Variants in ADGB observed in about 807,000 individuals in gnomAD.
ADGB encodes calpain-7-like protein.
A neutral mutation model predicts 210.5 loss-of-function variants in ADGB; 172 were observed. The observed-to-expected ratio is 0.82, with a 90% CI of 0.72 to 0.93. The LOEUF (loss-of-function observed/expected upper bound fraction) is 0.93, where lower values mean the gene tolerates loss of function less well. Among genes scored for constraint, ADGB ranks in the 40% least tolerant of loss-of-function variants. ADGB has a pLI of 0.00. For synonymous variants in ADGB, 658 were observed against 662.7 expected (o/e 0.99, Z 0.11); for missense variants, 2,025 against 1,964.8 (o/e 1.03, Z -0.58).
chr6:146,673,044 A>G (rs945617693), intron 8 of ADGB, among the ~76,000 whole-genome samples: 1 of 152,080 alleles, frequency 6.6e-6, no homozygotes, highest in Admixed American at 6.6e-5. Flanking sequence ...TTTTTCTTAT[A>G]TAGGAGTCTT....
chr6:146,754,916 C>T (rs1777384721), intron 27 of ADGB, among the ~76,000 whole-genome samples: 1 of 151,958 alleles, frequency 6.6e-6, no homozygotes, highest in South Asian at 2.1e-4. Context: ...TTTAAAATGT[C>T]AAGGTTGTCA....
chr6:146,662,949 T>C (rs1775883435), intron 5 of ADGB, among the ~76,000 whole-genome samples: 1 of 146,036 alleles, frequency 6.8e-6, no homozygotes, highest in Non-Finnish European at 1.5e-5. Context: ...TAATGTTATA[T>C]ATTACACATA....
chr6:146,727,183 A>T (rs1395496008), intron 19 of ADGB, among the ~76,000 whole-genome samples: 2 of 151,928 alleles, frequency 1.3e-5, no homozygotes, highest in Non-Finnish European at 2.9e-5. Flanking sequence ...CTACCAAAAA[A>T]AAAAAAAAAT....
intron 2 of ADGB, among the ~76,000 whole-genome samples, chr6:146,644,538 A>G (rs1487100206): frequency 6.6e-6 from 1 of 151,856 alleles, no homozygotes; most frequent in African/African-American, 2.4e-5. Context: ...AATGCTACTC[A>G]ACAATCAATG....
At chr6:146,676,871 T>C (rs1776092384) in intron 9 of ADGB, among the ~76,000 whole-genome samples, 1 of 152,204 alleles carries the variant, frequency 6.6e-6, no homozygotes, top group Non-Finnish European at 1.5e-5. Flanking sequence ...AGAAAGTAAC[T>C]GTGAGGCCGG....
intron 1 of ADGB, among the ~76,000 whole-genome samples, chr6:146,601,526 A>T (rs1049949032): frequency 6.6e-6 from 1 of 152,242 alleles, no homozygotes; most frequent in Non-Finnish European, 1.5e-5. Flanking sequence ...GTTACTCAGT[A>T]TGAGGCGTAG....
rs1411219615 is a variant in ADGB, at chr6:146,672,302, A to G, written c.922A>G (p.Ser308Gly). 1 of 1,551,452 alleles carries G rather than the reference A, an allele frequency of 6.4e-7. No homozygotes were observed. Residue 308 changes from serine to glycine, a missense_variant, in exon 8 of 36, where the codon AGC becomes GGC. Coordinates refer to ENST00000397944, the MANE Select transcript of ADGB (RefSeq NM_024694.4). ...GCTGTCAGATGAGGCCAGCTCTGAA[A>G]GCAAAATAGCAGTGTTAGATTCTAA... ...FKLSDEASSE[S>G]KIAVLDSKLK...
At chr6:146,802,986 C>T in intron 35 of ADGB, 1 of 1,609,152 alleles carries the variant, frequency 6.2e-7, no homozygotes, top group Non-Finnish European at 8.5e-7. Context: ...TGCTTGAAGC[C>T]AGTTTAAACC....
At chr6:146,629,409 G>C (rs936390124) in intron 1 of ADGB, among the ~76,000 whole-genome samples, 4 of 152,076 alleles carry the variant, frequency 2.6e-5, no homozygotes, top group Non-Finnish European at 5.9e-5. Flanking sequence ...CCTCTAATGA[G>C]AGTCTTTTTA....
chr6:146,692,011 G>A (rs1422579916), intron 11 of ADGB, among the ~76,000 whole-genome samples: 7 of 151,752 alleles, frequency 4.6e-5, no homozygotes, highest in Non-Finnish European at 1.0e-4. Flanking sequence ...CACTTGAAAG[G>A]AAAACAAAAT....
At chr6:146,704,902 A>G (rs901265464) in intron 13 of ADGB, among the ~76,000 whole-genome samples, 1 of 152,170 alleles carries the variant, frequency 6.6e-6, no homozygotes, top group African/African-American at 2.4e-5. Flanking sequence ...ATTACATTGA[A>G]TCTGTACATT....
chr6:146,674,688 G>A (rs1006632333), intron 8 of ADGB, among the ~76,000 whole-genome samples: 8 of 152,168 alleles, frequency 5.3e-5, no homozygotes, highest in Admixed American at 6.5e-5. Context: ...ATGTGGCAAG[G>A]TTTGCAGAAC....
intron 9 of ADGB, among the ~76,000 whole-genome samples, chr6:146,684,747 A>G (rs1776199587): frequency 6.6e-6 from 1 of 152,080 alleles, no homozygotes; most frequent in South Asian, 2.1e-4. Flanking sequence ...CTTTGGATTA[A>G]AAGTTAGTTG....
At chr6:146,673,446 G>A (rs1401921979) in intron 8 of ADGB, among the ~76,000 whole-genome samples, 4 of 152,076 alleles carry the variant, frequency 2.6e-5, no homozygotes, top group South Asian at 2.1e-4. Flanking sequence ...CTTTGTTGTC[G>A]TTATCCTTTC....
chr6:146,627,608 T>C (rs1274435929), intron 1 of ADGB, among the ~76,000 whole-genome samples: 2 of 152,178 alleles, frequency 1.3e-5, no homozygotes, highest in Non-Finnish European at 2.9e-5. Flanking sequence ...ATACTAGTTC[T>C]GGTTCAGCGT....
intron 1 of ADGB, among the ~76,000 whole-genome samples, chr6:146,628,728 C>T (rs1421254203): frequency 1.3e-5 from 2 of 151,836 alleles, no homozygotes; most frequent in East Asian, 1.9e-4. Context: ...AGTTATCCTT[C>T]GAGGCATGTC....
chr6:146,748,820 T>G (rs1777279690), intron 26 of ADGB, among the ~76,000 whole-genome samples: 1 of 152,154 alleles, frequency 6.6e-6, no homozygotes, highest in Non-Finnish European at 1.5e-5. Flanking sequence ...CCTCAAGCAA[T>G]CCACCTGCCT....
intron 27 of ADGB, among the ~76,000 whole-genome samples, chr6:146,762,982 T>A (rs1277908138): frequency 6.6e-6 from 1 of 152,204 alleles, no homozygotes; most frequent in East Asian, 1.9e-4. Flanking sequence ...CATGTCTATT[T>A]CTGAGCTCCT....
intron 28 of ADGB, among the ~76,000 whole-genome samples, chr6:146,766,426 C>G (rs1777574097): frequency 9.6e-6 from 1 of 103,804 alleles, no homozygotes; most frequent in Non-Finnish European, 1.7e-5. Flanking sequence ...GGCTCTGTCT[C>G]AGTAAAATTA....
Sources: allele counts gnomAD v4.1 joint callset (sites outside exome capture counted in the v4.1 genomes callset), GRCh38; gene constraint gnomAD v4.1.1; transcripts MANE v1.5; gene names NCBI Gene and HGNC (gene_info 2026-07-23, HGNC 2026-07-21).